Variants in OSBPL8 observed in about 807,000 individuals in gnomAD.
OSBPL8 encodes the protein oxysterol binding protein like 8, also known as oxysterol-binding protein-related protein 8.
Under a neutral mutation model 125.5 loss-of-function variants are expected in OSBPL8, and 59 were observed. That is an observed-to-expected ratio of 0.47 (90% CI 0.38 to 0.58). OSBPL8 has a LOEUF of 0.58. Among genes scored for constraint, OSBPL8 ranks in the 20% least tolerant of loss-of-function variants. The probability of loss-of-function intolerance (pLI) is 0.00; values close to 1 mark genes in which losing one functional copy is unlikely to be tolerated. For missense variants in OSBPL8, 758 were observed against 1,047.8 expected (o/e 0.72, Z 3.82); for synonymous variants, 330 against 338.9 (o/e 0.97, Z 0.29).
intron 2 of OSBPL8, among the ~76,000 whole-genome samples, chr12:76,467,812 T>C (rs1241167459): frequency 1.3e-5 from 2 of 152,100 alleles, no homozygotes; most frequent in East Asian, 1.9e-4. Flanking sequence ...TTTAAAAACA[T>C]GATAAAAACA....
intron 1 of OSBPL8, among the ~76,000 whole-genome samples, chr12:76,497,481 C>G (rs1363295341): frequency 1.3e-5 from 2 of 152,168 alleles, no homozygotes; most frequent in Admixed American, 1.3e-4. Flanking sequence ...CTTGCCCTCA[C>G]AGTTTTTCTC....
In OSBPL8 at chr12:76,467,842, C is replaced by T. The variant is rs141254843; in HGVS notation, c.43-7947G>A. On this transcript the variant is annotated intron_variant, in intron 2 of 23. Coordinates refer to ENST00000261183, the MANE Select transcript of OSBPL8 (RefSeq NM_020841.5). Reference sequence around the variant, plus strand: ...AAAACATAGTCCCTACTGCCAAGATCACCATACACAGAAGACAGTATGTAT... The same window carrying T: ...AAAACATAGTCCCTACTGCCAAGATTACCATACACAGAAGACAGTATGTAT... Among the ~76,000 whole-genome samples the T allele has an allele frequency of 3.2e-3, 493 of 152,224 alleles. 8 individuals carry two copies. The highest frequency in any genetic ancestry group is 0.011 in the African/African-American group (449 of 41,516).
intron 4 of OSBPL8, among the ~76,000 whole-genome samples, chr12:76,417,426 A>C (rs1868828489): frequency 6.6e-6 from 1 of 152,170 alleles, no homozygotes; most frequent in Non-Finnish European, 1.5e-5. Context: ...TGATCAGTTC[A>C]ATTATAGCCA....
At chr12:76,552,358 G>A (rs949271084) in intron 1 of OSBPL8, among the ~76,000 whole-genome samples, 6 of 145,844 alleles carry the variant, frequency 4.1e-5, no homozygotes, top group Non-Finnish European at 8.9e-5. Context: ...CCCAGGAGGC[G>A]AAGGTTGCAG....
chr12:76,506,826 TAAATGATAATAAATCTGAG>T (rs1880467364), intron 1 of OSBPL8, among the ~76,000 whole-genome samples: 1 of 152,160 alleles, frequency 6.6e-6, no homozygotes, highest in African/African-American at 2.4e-5. Flanking sequence ...CAAAAACATT[TAAATGATAATAAATCTGAG>T]AATAGGGAAG....
chr12:76,408,603 A>C (rs1163703731), intron 5 of OSBPL8, among the ~76,000 whole-genome samples: 1 of 152,116 alleles, frequency 6.6e-6, no homozygotes, highest in Non-Finnish European at 1.5e-5. Flanking sequence ...TAAATGACAG[A>C]TGTCCTATAT....
At chr12:76,453,696 C>T (rs974662247) in intron 3 of OSBPL8, among the ~76,000 whole-genome samples, 1 of 151,538 alleles carries the variant, frequency 6.6e-6, no homozygotes, top group Non-Finnish European at 1.5e-5. Context: ...AAGCACTAAC[C>T]CAAAAATTAA....
At chr12:76,359,099 A>G (rs1029856426) in intron 21 of OSBPL8, among the ~76,000 whole-genome samples, 2 of 152,214 alleles carry the variant, frequency 1.3e-5, no homozygotes, top group Non-Finnish European at 2.9e-5. Context: ...GTTTATATCC[A>G]GGGATATTAT....
chr12:76,399,568 T>G (rs1316626697), intron 7 of OSBPL8, among the ~76,000 whole-genome samples: 1 of 152,216 alleles, frequency 6.6e-6, no homozygotes, highest in South Asian at 2.1e-4. Context: ...ATAATTGGAA[T>G]AGCAAGCAAT....
chr12:76,510,505 T>G (rs551425736), intron 1 of OSBPL8, among the ~76,000 whole-genome samples: 7 of 152,318 alleles, frequency 4.6e-5, no homozygotes, highest in East Asian at 1.9e-4. Context: ...TTCATAAAAT[T>G]TACAGTTTAT....
At chr12:76,535,776 A>G (rs1950476027) in intron 1 of OSBPL8, among the ~76,000 whole-genome samples, 1 of 152,234 alleles carries the variant, frequency 6.6e-6, no homozygotes, top group Middle Eastern at 3.2e-3. Context: ...ACCAGACAAG[A>G]GTACATACTC....
chr12:76,398,313 T>C (rs932168690), intron 7 of OSBPL8, among the ~76,000 whole-genome samples: 7 of 152,204 alleles, frequency 4.6e-5, no homozygotes, highest in Non-Finnish European at 4.4e-5. Context: ...CTGAAAACAC[T>C]GCTGGCACAC....
rs1952087142 is a variant in OSBPL8 at position 76,358,746 on chromosome 12, G to A, written c.2394C>T (p.Ser798=). 2 of 1,614,010 alleles carry A rather than the reference G, an allele frequency of 1.2e-6. No individual in the cohort carries two copies. The highest frequency in any genetic ancestry group is 1.7e-6 in the Non-Finnish European group (2 of 1,179,926). Residue 798 remains serine (S), a synonymous_variant, in exon 22 of 24, where the codon TCC becomes TCT. Transcript: ENST00000261183. ...RQQKKVAKGY[S]SPEPDIQDSS... is the part of the protein sequence containing the mutation. ...AGTCTTGAATGTCAGGTTCTGGGGA[G>A]GAATAGCCTTTTGCTACTTTCTTCT... is the stretch of plus-strand genomic sequence containing the variant.
At chr12:76,357,902 G>T (rs1952043998) in intron 22 of OSBPL8, among the ~76,000 whole-genome samples, 1 of 149,932 alleles carries the variant, frequency 6.7e-6, no homozygotes, top group Non-Finnish European at 1.5e-5. Context: ...ATCCTTTCAT[G>T]ATTATATCTC....
rs1199638683 is a variant in OSBPL8, at chr12:76,555,521, A to G, written c.-68+3876T>C. Among the ~76,000 whole-genome samples, 3 of 152,236 alleles carry G rather than the reference A, an allele frequency of 2.0e-5. No homozygotes were observed. In the East Asian group the frequency reaches 5.8e-4, roughly 29 times the overall value. ...AAACGAATCAAAATATGTTTTAAAGATCTGCAGACAAACGTTTTAATAATT... is the reference window on the plus strand; with the variant it reads ...AAACGAATCAAAATATGTTTTAAAGGTCTGCAGACAAACGTTTTAATAATT... On this transcript the variant is annotated intron_variant, in intron 1 of 23. Coordinates refer to ENST00000261183, the MANE Select transcript of OSBPL8 (RefSeq NM_020841.5).
rs191223385 is a variant in OSBPL8 at position 76,462,890 on chromosome 12, C to G, written c.43-2995G>C. On this transcript the variant is annotated intron_variant, in intron 2 of 23. Coordinates refer to ENST00000261183, the MANE Select transcript of OSBPL8 (RefSeq NM_020841.5). ...GAATGTTTATGGAAGAGCACGAAGGCCAATGAGGCTGGAATGCAATGCAAA... is the reference window on the plus strand; with the variant it reads ...GAATGTTTATGGAAGAGCACGAAGGGCAATGAGGCTGGAATGCAATGCAAA... Among the ~76,000 whole-genome samples, 297 of 152,096 alleles carry G rather than the reference C, an allele frequency of 2.0e-3. 1 individual carries two copies. Among genetic ancestry groups the G allele is most frequent in the African/African-American group, 6.8e-3 (282 of 41,476 alleles).
intron 2 of OSBPL8, chr12:76,486,090 T>C: frequency 2.5e-6 from 1 of 406,096 alleles, no homozygotes; most frequent in Non-Finnish European, 4.9e-6. Flanking sequence ...AGCCAAGAAT[T>C]TCCACACCCA....
chr12:76,416,057 T>C (rs1474218936), intron 4 of OSBPL8, among the ~76,000 whole-genome samples: 1 of 152,162 alleles, frequency 6.6e-6, no homozygotes, highest in African/African-American at 2.4e-5. Context: ...AGGCTAAACA[T>C]TTCCTCTTAA....
chr12:76,523,846 A>C (rs1454912299), intron 1 of OSBPL8, among the ~76,000 whole-genome samples: 1 of 152,212 alleles, frequency 6.6e-6, no homozygotes, highest in Non-Finnish European at 1.5e-5. Flanking sequence ...CCATGTACTC[A>C]CTTCCAAGAA....
Sources: gnomAD v4.1 joint callset for allele counts (sites outside exome capture counted in the v4.1 genomes callset) on GRCh38, gnomAD v4.1.1 for gene constraint, MANE v1.5 for transcripts, NCBI Gene and HGNC (gene_info 2026-07-23, HGNC 2026-07-21) for gene names.